GLP2R: variants seen among roughly 807,000 people sequenced by gnomAD.
GLP2R encodes glucagon-like peptide 2 receptor.
In GLP2R, 59 loss-of-function variants were observed where a neutral mutation model predicts 68.2. The ratio of observed to expected loss-of-function variants is 0.87; its 90% confidence interval spans 0.70 to 1.07. The LOEUF (loss-of-function observed/expected upper bound fraction) is 1.07. Among genes scored for constraint, GLP2R ranks in the 50% least tolerant of loss-of-function variants. The pLI is 0.00. For missense variants in GLP2R, 548 were observed against 677.4 expected (o/e 0.81, Z 2.12); for synonymous variants, 270 against 265.4 (o/e 1.02, Z -0.17).
chr17:9,852,296 C>G (rs989900507), intron 4 of GLP2R, among the ~76,000 whole-genome samples: 1 of 152,070 alleles, frequency 6.6e-6, no homozygotes. Flanking sequence ...TGTTTAACTT[C>G]CACTTATGAG....
rs2066796094 is a variant in GLP2R, at chr17:9,842,475, A to G, written c.383-20A>G. 6.2e-7 allele frequency: 1 copy of G among 1,613,880 alleles called. No homozygotes were observed. The highest frequency in any genetic ancestry group is 1.1e-5 in the South Asian group (1 of 91,084). On this transcript the variant is annotated intron_variant, in intron 3 of 12. Coordinates refer to ENST00000262441, the MANE Select transcript of GLP2R (RefSeq NM_004246.3). The stretch of plus-strand genomic sequence containing the variant: ...GGCTGTGTGTTCTGACCTTTCCTCC[A>G]GAGCTTTGTTTACTTTCAGAGAGCT...
At chr17:9,869,913 G>A (rs2067077007) in intron 9 of GLP2R, among the ~76,000 whole-genome samples, 1 of 152,180 alleles carries the variant, frequency 6.6e-6, no homozygotes, top group Non-Finnish European at 1.5e-5. Context: ...GAAGGCAGAA[G>A]GGCCAAGGAA....
At chr17:9,851,750 AG>A in intron 4 of GLP2R, among the ~76,000 whole-genome samples, 1 of 152,360 alleles carries the variant, frequency 6.6e-6, no homozygotes, top group African/African-American at 2.4e-5. Context: ...GAAGAACACT[AG>A]AAATAGTACA....
At chr17:9,869,479 G>T (rs2067071949) in intron 9 of GLP2R, among the ~76,000 whole-genome samples, 1 of 152,228 alleles carries the variant, frequency 6.6e-6, no homozygotes, top group Non-Finnish European at 1.5e-5. Flanking sequence ...CCAGCCACCT[G>T]CTTTTCACCA....
intron 6 of GLP2R, 123 bp from the exon 7 acceptor site, chr17:9,859,819 C>CAAAAAAA (rs10567375): frequency 4.9e-5 from 7 of 143,884 alleles, no homozygotes; most frequent in Non-Finnish European, 6.8e-5. Flanking sequence ...GATTCTGTCT[C>CAAAAAAA]AAAAAAAAAA....
At chr17:9,876,513 G>A (rs1268601873) in intron 10 of GLP2R, among the ~76,000 whole-genome samples, 1 of 152,220 alleles carries the variant, frequency 6.6e-6, no homozygotes, top group Admixed American at 6.5e-5. Flanking sequence ...GGCAAAGCCT[G>A]TTTGTACAGA....
chr17:9,866,011 C>T (rs2067033155), intron 9 of GLP2R: 1 of 435,044 alleles, frequency 2.3e-6, no homozygotes, highest in Non-Finnish European at 4.7e-6. Flanking sequence ...AGGAGCTAAA[C>T]CTGCTGCCCT....
chr17:9,889,724 T>C lies in GLP2R; in HGVS notation c.*19T>C, dbSNP rs1479628143. The stretch of plus-strand genomic sequence containing the variant: ...GATCTAGGGTGGAGTTCCACCACCC[T>C]GGCTCTGCTCCCAGGGACTCTTGAG... On this transcript the variant is annotated 3_prime_UTR_variant, in exon 13 of 13. Coordinates refer to ENST00000262441, the MANE Select transcript of GLP2R (RefSeq NM_004246.3). 5 of 1,470,432 alleles carry C rather than the reference T, an allele frequency of 3.4e-6. No homozygotes were observed. Among genetic ancestry groups the C allele is most frequent in the Non-Finnish European group, 9.2e-7 (1 of 1,088,892 alleles). 91.1% of individuals were successfully genotyped at this position (1,470,432 alleles called of 1,614,324 possible).
intron 1 of GLP2R, among the ~76,000 whole-genome samples, chr17:9,832,758 A>C (rs1667520441): frequency 6.6e-6 from 1 of 152,098 alleles, no homozygotes; most frequent in African/African-American, 2.4e-5. Context: ...ATAAAATAAA[A>C]ATAAAATCAA....
chr17:9,834,022 C>G (rs989605739), intron 2 of GLP2R, 128 bp downstream of exon 2: 14 of 723,074 alleles, frequency 1.9e-5, no homozygotes, highest in African/African-American at 3.5e-5. Flanking sequence ...ACAGGGCACA[C>G]TGGGGATGGC....
chr17:9,859,301 G>A (rs945901327), intron 6 of GLP2R, among the ~76,000 whole-genome samples: 12 of 152,056 alleles, frequency 7.9e-5, no homozygotes, highest in African/African-American at 2.9e-4. Flanking sequence ...TTGAACTGAG[G>A]TTAGAGTACT....
At chr17:9,833,154 T>G (rs1192627295) in intron 1 of GLP2R, among the ~76,000 whole-genome samples, 1 of 151,390 alleles carries the variant, frequency 6.6e-6, no homozygotes, top group Non-Finnish European at 1.5e-5. Context: ...TCCCAGCTAC[T>G]CGGGGAGGCT....
In GLP2R at chr17:9,880,445, A is replaced by C. The variant is rs1431635011; in HGVS notation, c.1213A>C (p.Thr405Pro). ...TCATGAGATCCTCTTCTCTTTCATC[A>C]CTGATGATCAAGTTGAAGGATTTGC... is the stretch of plus-strand genomic sequence containing the variant. Reference protein sequence around the residue: ...GVHEILFSFITDDQVEGFAKL... With the variant: ...GVHEILFSFIPDDQVEGFAKL... The change falls in exon 11 of 13, where the codon ACT (threonine) becomes CCT (proline). Residue 405 changes from threonine (T) to proline (P), a missense_variant. Coordinates refer to ENST00000262441, the MANE Select transcript of GLP2R (RefSeq NM_004246.3). 6.3e-7 allele frequency: 1 copy of C among 1,598,108 alleles called. No homozygotes were observed. Among genetic ancestry groups the C allele is most frequent in the Admixed American group, 1.7e-5 (1 of 59,480 alleles).
In GLP2R at chr17:9,889,458, G is replaced by A. The variant is rs775168959; in HGVS notation, c.1415G>A (p.Arg472Gln). 17 of 1,613,962 alleles carry A rather than the reference G, an allele frequency of 1.1e-5. No individual in the cohort carries two copies. Among genetic ancestry groups the A allele is most frequent in the East Asian group, 4.5e-5 (2 of 44,890 alleles). The change falls in exon 13 of 13, where the codon CGG (arginine) becomes CAG (glutamine). Residue 472 changes from arginine (R) to glutamine (Q), a missense_variant. Physicochemically the swap from Arg to Gln is conservative, Grantham distance 43 (BLOSUM62 1). Coordinates refer to ENST00000262441, the MANE Select transcript of GLP2R (RefSeq NM_004246.3). ...CRACVLGKDF[R>Q]FLGKCPKKLS... ...GCCTGTGTCCTGGGGAAGGACTTCC[G>A]GTTCCTAGGAAAATGTCCCAAGAAG...
chr17:9,828,818 A>G (rs1172637801), intron 1 of GLP2R, among the ~76,000 whole-genome samples: 3 of 152,012 alleles, frequency 2.0e-5, no homozygotes, highest in Admixed American at 6.6e-5. Context: ...TGACCCTTTC[A>G]GTCTGGTATT....
intron 5 of GLP2R, among the ~76,000 whole-genome samples, chr17:9,855,037 A>T (rs1350886605): frequency 9.1e-6 from 1 of 109,870 alleles, no homozygotes; most frequent in Non-Finnish European, 2.5e-5. Context: ...TATTTATTTA[A>T]TTATTTATTT....
chr17:9,857,689 C>T, intron 6 of GLP2R, 113 bp downstream of exon 6: 1 of 1,001,010 alleles, frequency 1.0e-6, no homozygotes. Context: ...AAGAGGGTTT[C>T]CAAGACTTTC....
intron 4 of GLP2R, among the ~76,000 whole-genome samples, chr17:9,850,560 G>T (rs2066881740): frequency 6.6e-6 from 1 of 152,122 alleles, no homozygotes; most frequent in Non-Finnish European, 1.5e-5. Flanking sequence ...TTGGTCTTGG[G>T]GTTAGTTGAC....
rs2066797869 is a variant in GLP2R at position 9,842,594 on chromosome 17, A to C, written c.482A>C (p.Glu161Ala). ...DIWQDDSECS[E>A]NHSFKQNVDR... Reference sequence around the variant, plus strand: ...TGGCAGGATGACTCCGAATGCTCCGAGAACCACAGCTTCAAGCAAAACGTG... The same window carrying C: ...TGGCAGGATGACTCCGAATGCTCCGCGAACCACAGCTTCAAGCAAAACGTG... Residue 161 changes from glutamate (E) to alanine (A), a missense_variant, in exon 4 of 13, where the codon GAG (glutamate) becomes GCG (alanine). By Grantham distance (107) the Glu-to-Ala change is moderately radical (BLOSUM62 -1). Coordinates refer to ENST00000262441, the MANE Select transcript of GLP2R (RefSeq NM_004246.3). 5 of 1,613,880 alleles carry C rather than the reference A, an allele frequency of 3.1e-6. No individual in the cohort carries two copies. The African/African-American group carries it at 6.7e-5, about 22-fold the overall frequency.
Sources: allele counts gnomAD v4.1 joint callset (sites outside exome capture counted in the v4.1 genomes callset), GRCh38; gene constraint gnomAD v4.1.1; transcripts MANE v1.5; gene names NCBI Gene and HGNC (gene_info 2026-07-23, HGNC 2026-07-21).